DPH6: variants seen among roughly 807,000 people sequenced by gnomAD.
DPH6 encodes the protein diphthamine biosynthesis 6.
Under a neutral mutation model 38.2 loss-of-function variants are expected in DPH6, and 33 were observed. The observed-to-expected ratio is 0.86, with a 90% CI of 0.65 to 1.15. The LOEUF (loss-of-function observed/expected upper bound fraction) is 1.15. DPH6 is among the 50% of genes most tolerant of loss of function. The pLI is 0.00. For missense variants in DPH6, 325 were observed against 320.0 expected, an observed-to-expected ratio of 1.02 and a Z score of -0.12; for synonymous variants, 108 against 103.0, an observed-to-expected ratio of 1.05 and a Z score of -0.30.
chr15:35,415,356 T>C (rs2053423068), intron 5 of DPH6, among the ~76,000 whole-genome samples: 1 of 151,964 alleles, frequency 6.6e-6, no homozygotes, highest in Non-Finnish European at 1.5e-5. Context: ...TTGCATTCTA[T>C]GTACGAGTCT....
chr15:35,325,245 G>C (rs1398599231), intron 3 of DPH6, among the ~76,000 whole-genome samples: 1 of 151,944 alleles, frequency 6.6e-6, no homozygotes, highest in Non-Finnish European at 1.5e-5. Context: ...AAATATTCAT[G>C]GAAATGCAAA....
intron 3 of DPH6, among the ~76,000 whole-genome samples, chr15:35,530,635 T>G (rs941145623): frequency 6.6e-6 from 1 of 152,176 alleles, no homozygotes; most frequent in Non-Finnish European, 1.5e-5. Flanking sequence ...AGAGACAGAA[T>G]GATGATTTTG....
At chr15:35,515,535 C>A (rs1335738596) in intron 3 of DPH6, among the ~76,000 whole-genome samples, 1 of 151,930 alleles carries the variant, frequency 6.6e-6, no homozygotes, top group Admixed American at 6.6e-5. Context: ...TCATGGCTAA[C>A]ATGGTGAAAC....
chr15:35,500,665 T>C (rs955567167), intron 3 of DPH6, among the ~76,000 whole-genome samples: 3 of 152,208 alleles, frequency 2.0e-5, no homozygotes, highest in South Asian at 2.1e-4. Context: ...CAAGACAACA[T>C]GGCCACTCAC....
chr15:35,380,538 T>C (rs1198930430), intron 7 of DPH6, among the ~76,000 whole-genome samples: 3 of 152,228 alleles, frequency 2.0e-5, no homozygotes, highest in South Asian at 4.1e-4. Flanking sequence ...TTTCCACTTA[T>C]TGCTGTGCTT....
At chr15:35,155,269 TAA>T in the DPH6 span, among the ~76,000 whole-genome samples, 74,951 of 151,948 alleles carry the variant, frequency 0.49, 21,446 homozygotes, top group Non-Finnish European at 0.64. Context: ...CAGAGAACTA[TAA>T]AAGTTTGAAT....
intron 3 of DPH6, among the ~76,000 whole-genome samples, chr15:35,240,871 C>T (rs1259346500): frequency 4.2e-3 from 542 of 129,166 alleles, no homozygotes; most frequent in Middle Eastern, 7.7e-3. Context: ...AACCCCACAA[C>T]AGGATTTAAT....
chr15:35,336,841 G>A lies in DPH6; in HGVS notation n.208-5764C>T, dbSNP rs1446459460. 2.6e-5 allele frequency among the ~76,000 whole-genome samples: 4 copies of A among 152,042 alleles called. No homozygotes were observed. In the East Asian group the frequency reaches 7.7e-4, roughly 29 times the overall value. On this transcript the variant is annotated intron_variant and non_coding_transcript_variant, in intron 3 of 3. Coordinates refer to the DPH6 transcript ENST00000558973. ...AGCTTTTTGATGTGCTGCTGGATTT[G>A]GTTTGCCAGTATTTTATTGAGGATT... is the stretch of plus-strand genomic sequence containing the variant.
chr15:35,418,041 T>C (rs542344383), intron 5 of DPH6, among the ~76,000 whole-genome samples: 14 of 152,134 alleles, frequency 9.2e-5, no homozygotes, highest in Non-Finnish European at 1.5e-4. Flanking sequence ...TTTACCTCAG[T>C]CCTTGGAAAA....
At chr15:35,493,527 T>C (rs1005521957) in intron 3 of DPH6, among the ~76,000 whole-genome samples, 6 of 152,160 alleles carry the variant, frequency 3.9e-5, no homozygotes, top group African/African-American at 1.4e-4. Flanking sequence ...GATGAGGAAG[T>C]AGAATGGGAC....
At chr15:35,372,852 C>A (rs566198610) in intron 8 of DPH6, among the ~76,000 whole-genome samples, 5 of 152,062 alleles carry the variant, frequency 3.3e-5, no homozygotes, top group African/African-American at 1.2e-4. Context: ...ATACAGAAGA[C>A]ATTTTCTAAT....
intron 4 of DPH6, among the ~76,000 whole-genome samples, chr15:35,452,228 C>G (rs1267111981): frequency 2.0e-5 from 3 of 152,110 alleles, no homozygotes; most frequent in African/African-American, 7.2e-5. Flanking sequence ...TTAAATGTCA[C>G]TTTCTCAGAG....
chr15:35,478,754 C>G (rs542193447), intron 3 of DPH6, among the ~76,000 whole-genome samples: 1 of 151,762 alleles, frequency 6.6e-6, no homozygotes, highest in Non-Finnish European at 1.5e-5. Flanking sequence ...GCAATATTAC[C>G]AGTTAAAATA....
At chr15:35,150,291 T>C in the DPH6 span, among the ~76,000 whole-genome samples, 3 of 152,186 alleles carry the variant, frequency 2.0e-5, no homozygotes, top group Admixed American at 6.5e-5. Context: ...ATAAGGAACA[T>C]ATTTCTTATC....
the DPH6 span, among the ~76,000 whole-genome samples, chr15:35,210,504 G>T: frequency 5.6e-3 from 852 of 152,222 alleles, 6 homozygotes; most frequent in African/African-American, 0.019. Context: ...CACTGTATTT[G>T]TTTTAGAGGG....
At chr15:35,528,400 C>A (rs888845026) in intron 3 of DPH6, among the ~76,000 whole-genome samples, 1 of 152,020 alleles carries the variant, frequency 6.6e-6, no homozygotes, top group Non-Finnish European at 1.5e-5. Context: ...TTACCAATAT[C>A]GCTCAGTAAA....
chr15:35,276,938 T>C (rs1595457755), intron 3 of DPH6, among the ~76,000 whole-genome samples: 4 of 152,158 alleles, frequency 2.6e-5, no homozygotes, highest in African/African-American at 9.7e-5. Context: ...ATATGAATTT[T>C]AGGATTTTTT....
At chr15:35,297,462 T>A (rs2052022979) in intron 3 of DPH6, among the ~76,000 whole-genome samples, 1 of 152,088 alleles carries the variant, frequency 6.6e-6, no homozygotes. Flanking sequence ...CTTATTGTAT[T>A]CAGAGCAGCA....
downstream of DPH6, among the ~76,000 whole-genome samples, chr15:35,328,258 G>T (rs2140856630): frequency 6.6e-6 from 1 of 152,074 alleles, no homozygotes; most frequent in South Asian, 2.1e-4. Context: ...TCCCTGACAG[G>T]CCCCGTTTTT....
Sources: gnomAD v4.1 joint callset for allele counts (sites outside exome capture counted in the v4.1 genomes callset) on GRCh38, gnomAD v4.1.1 for gene constraint, MANE v1.5 for transcripts, NCBI Gene and HGNC (gene_info 2026-07-23, HGNC 2026-07-21) for gene names.